Variants in PIGK observed in about 807,000 individuals in gnomAD.
PIGK encodes GPI-anchor transamidase.
In PIGK, 42 loss-of-function variants were observed where a neutral mutation model predicts 50.6. That is an observed-to-expected ratio of 0.83 (90% confidence interval 0.65 to 1.07). PIGK has a LOEUF of 1.07. PIGK is among the 50% of genes least tolerant of loss of function. The probability of loss-of-function intolerance (pLI) is 0.00; values close to 1 mark genes in which losing one functional copy is unlikely to be tolerated. For missense variants in PIGK, 448 were observed against 488.7 expected (o/e 0.92, Z 0.78); for synonymous variants, 151 against 156.0 (o/e 0.97, Z 0.24).
chr1:77,148,570 T>C (rs1020065700), intron 9 of PIGK, among the ~76,000 whole-genome samples: 7 of 152,054 alleles, frequency 4.6e-5, no homozygotes, highest in African/African-American at 1.7e-4. Flanking sequence ...TTTGTCAACA[T>C]AGGCAATATA....
chr1:77,211,364 T>A (rs957780989), intron 1 of PIGK, among the ~76,000 whole-genome samples: 20 of 151,924 alleles, frequency 1.3e-4, no homozygotes, highest in Non-Finnish European at 2.8e-4. Context: ...AGGTTCAGAA[T>A]ATGGTAAGAA....
chr1:77,140,676 T>C (rs1157043586), intron 9 of PIGK, among the ~76,000 whole-genome samples: 1 of 152,008 alleles, frequency 6.6e-6, no homozygotes. Context: ...TATCTAACTT[T>C]CAAAGAAATA....
chr1:77,183,735 G>A (rs541906830), intron 3 of PIGK, among the ~76,000 whole-genome samples: 19 of 152,224 alleles, frequency 1.2e-4, no homozygotes, highest in African/African-American at 3.4e-4. Context: ...AGTTCTAATC[G>A]TTTATTTGCT....
intron 3 of PIGK, among the ~76,000 whole-genome samples, chr1:77,170,388 T>C (rs1319914914): frequency 2.0e-5 from 3 of 152,206 alleles, no homozygotes; most frequent in South Asian, 2.1e-4. Context: ...AAGTGGCTAC[T>C]GACCAAATTT....
At chr1:77,156,751 T>G (rs910079065) in intron 8 of PIGK, among the ~76,000 whole-genome samples, 3 of 152,164 alleles carry the variant, frequency 2.0e-5, no homozygotes, top group African/African-American at 7.2e-5. Context: ...CTCACTATAT[T>G]TAAAGGAACC....
chr1:77,096,866 T>C (rs553642516), intron 10 of PIGK, among the ~76,000 whole-genome samples: 1 of 149,966 alleles, frequency 6.7e-6, no homozygotes, highest in Admixed American at 6.7e-5. Flanking sequence ...TCCATACTTG[T>C]AGCTTCGGGT....
intron 3 of PIGK, among the ~76,000 whole-genome samples, chr1:77,170,645 T>C (rs1655339038): frequency 6.6e-6 from 1 of 152,202 alleles, no homozygotes; most frequent in Non-Finnish European, 1.5e-5. Flanking sequence ...TAATTTTAAG[T>C]GAATGAAATG....
chr1:77,192,148 T>A (rs773259052), intron 3 of PIGK, among the ~76,000 whole-genome samples: 1 of 150,988 alleles, frequency 6.6e-6, no homozygotes, highest in African/African-American at 2.4e-5. Flanking sequence ...AAAAAAAAAA[T>A]CTTTTGGCAA....
At chr1:77,169,615 G>A (rs182164382) in intron 3 of PIGK, among the ~76,000 whole-genome samples, 12 of 151,320 alleles carry the variant, frequency 7.9e-5, no homozygotes, top group Non-Finnish European at 1.6e-4. Flanking sequence ...AGTTATGAAG[G>A]CACTTTAATT....
At chr1:77,181,155 G>C (rs1449219496) in intron 3 of PIGK, among the ~76,000 whole-genome samples, 1 of 151,912 alleles carries the variant, frequency 6.6e-6, no homozygotes, top group Non-Finnish European at 1.5e-5. Flanking sequence ...TATATGAAGG[G>C]AAAAATAGCC....
rs545432961 is a variant in PIGK at position 77,211,809 on chromosome 1, T to C, written c.94-1320A>G. ...ATTGCTGAGGTTTCTTTCTTTCTTT[T>C]TTTTTTTTTTTCTGGGAGATATAAT... On this transcript the variant is annotated intron_variant, in intron 1 of 10. Coordinates refer to ENST00000370812, the MANE Select transcript of PIGK (RefSeq NM_005482.3). Among the ~76,000 whole-genome samples the C allele has an allele frequency of 8.4e-4, 127 of 151,366 alleles. 1 individual carries two copies. Among genetic ancestry groups the C allele is most frequent in the East Asian group, 3.9e-4 (2 of 5,182 alleles).
At chr1:77,203,814 C>T (rs1656225034) in intron 3 of PIGK, among the ~76,000 whole-genome samples, 1 of 152,176 alleles carries the variant, frequency 6.6e-6, no homozygotes, top group South Asian at 2.1e-4. Flanking sequence ...GTGAAGATTT[C>T]ATGGACATTT....
At chr1:77,114,094 G>A (rs1653912535) in intron 10 of PIGK, among the ~76,000 whole-genome samples, 1 of 152,034 alleles carries the variant, frequency 6.6e-6, no homozygotes. Context: ...ATCAGAACAT[G>A]AATTACACCT....
In PIGK at chr1:77,122,258, TA is replaced by T; in HGVS notation, c.1071+16del. 1 of 1,472,208 alleles carries T rather than the reference TA, an allele frequency of 6.8e-7. No homozygotes were observed. Among genetic ancestry groups the T allele is most frequent in the Non-Finnish European group, 9.5e-7 (1 of 1,056,916 alleles). 91.2% of individuals were successfully genotyped at this position (1,472,208 alleles called of 1,614,324 possible). ...AAAAATCTTGTTTCTTTCAAAAGAA[TA>T]AAATGAAATGCAAACCTGGTGTATT... is the stretch of plus-strand genomic sequence containing the variant. On this transcript the variant is annotated intron_variant, in intron 10 of 10. Coordinates refer to ENST00000370812, the MANE Select transcript of PIGK (RefSeq NM_005482.3).
At chr1:77,182,120 T>C (rs950889930) in intron 3 of PIGK, among the ~76,000 whole-genome samples, 8 of 152,246 alleles carry the variant, frequency 5.3e-5, no homozygotes, top group Non-Finnish European at 1.2e-4. Context: ...AGACATGTTA[T>C]CACAGAGACA....
chr1:77,218,531 A>T (rs74092466), intron 1 of PIGK, among the ~76,000 whole-genome samples: 3 of 152,064 alleles, frequency 2.0e-5, no homozygotes, highest in African/African-American at 7.2e-5. Flanking sequence ...GGAGGAGAAA[A>T]GGGGTGCTTA....
chr1:77,119,760 C>A (rs1654051898), intron 10 of PIGK, among the ~76,000 whole-genome samples: 1 of 152,212 alleles, frequency 6.6e-6, no homozygotes, highest in African/African-American at 2.4e-5. Flanking sequence ...TTGAAAGCCT[C>A]CATCTCTCCT....
chr1:77,110,267 T>C (rs1205751260), intron 10 of PIGK, among the ~76,000 whole-genome samples: 2 of 152,042 alleles, frequency 1.3e-5, no homozygotes, highest in African/African-American at 4.8e-5. Flanking sequence ...TACTTTAAAG[T>C]TCATATGGAA....
intron 10 of PIGK, among the ~76,000 whole-genome samples, chr1:77,094,731 T>C (rs2100506175): frequency 6.6e-6 from 1 of 152,254 alleles, no homozygotes; most frequent in Non-Finnish European, 1.5e-5. Flanking sequence ...CTATCATTTT[T>C]CCAAAGATTC....
Sources: gnomAD v4.1 joint callset for allele counts (sites outside exome capture counted in the v4.1 genomes callset) on GRCh38, gnomAD v4.1.1 for gene constraint, MANE v1.5 for transcripts, NCBI Gene and HGNC (gene_info 2026-07-23, HGNC 2026-07-21) for gene names.